The following CCDC141 variants were observed in gnomAD, a reference collection of about 807,000 sequenced individuals.
CCDC141 encodes coiled-coil domain containing 141, also known as coiled-coil domain-containing protein 141.
In CCDC141, 168 loss-of-function variants were observed where a neutral mutation model predicts 181.0. The observed-to-expected ratio is 0.93, with a 90% CI of 0.82 to 1.05. The LOEUF (loss-of-function observed/expected upper bound fraction) is 1.05, where lower values mean the gene tolerates loss of function less well. Among genes scored for constraint, CCDC141 ranks in the 50% least tolerant of loss-of-function variants. The pLI is 0.00. For synonymous variants in CCDC141, 666 were observed against 642.3 expected, an observed-to-expected ratio of 1.04 and a Z score of -0.56; for missense variants, 1,902 against 1,788.5, an observed-to-expected ratio of 1.06 and a Z score of -1.14.
chr2:178,826,064 A>G (rs1370346740), downstream of CCDC141, among the ~76,000 whole-genome samples: 1 of 152,214 alleles, frequency 6.6e-6, no homozygotes, highest in African/African-American at 2.4e-5. Context: ...ACAGGTTTTT[A>G]TAAATGTTCT....
chr2:178,957,050 A>G (rs1575265601), intron 5 of CCDC141, among the ~76,000 whole-genome samples: 1 of 152,112 alleles, frequency 6.6e-6, no homozygotes, highest in Middle Eastern at 3.4e-3. Context: ...CTAATTTTGT[A>G]TTTTTAGTAG....
chr2:178,980,942 T>C (rs1691355551), intron 2 of CCDC141, among the ~76,000 whole-genome samples: 1 of 152,154 alleles, frequency 6.6e-6, no homozygotes, highest in Non-Finnish European at 1.5e-5. Flanking sequence ...TGAAGAAAGC[T>C]GAGTAGCTAT....
chr2:178,853,581 A>G lies in CCDC141; in HGVS notation c.3104T>C (p.Val1035Ala), dbSNP rs952664164. Residue 1035 changes from valine to alanine, a missense_variant, in exon 20 of 24, where the codon GTT becomes GCT. Val to Ala is a moderately conservative substitution (Grantham distance 64). Coordinates refer to ENST00000443758, the MANE Select transcript of CCDC141 (RefSeq NM_173648.4). ...YEDASATVVR[V>A]GKYSTECKTK... is the part of the protein sequence containing the mutation. ...CTTGCACTCTGTGGAATATTTTCCA[A>G]CTCTTACAACTGTGGCACTTGCATC... 1.9e-6 allele frequency: 3 copies of G among 1,613,806 alleles called. No individual in the cohort carries two copies. The highest frequency in any genetic ancestry group is 2.7e-5 in the African/African-American group (2 of 74,908).
chr2:178,920,590 G>A (rs919198922), intron 6 of CCDC141, among the ~76,000 whole-genome samples: 2 of 152,006 alleles, frequency 1.3e-5, no homozygotes, highest in African/African-American at 2.4e-5. Flanking sequence ...GGGCATAGTG[G>A]CGCATGCTTG....
intron 12 of CCDC141, 105 bp downstream of exon 12, chr2:178,877,859 T>C: frequency 1.8e-6 from 2 of 1,091,286 alleles, no homozygotes; most frequent in Non-Finnish European, 1.4e-6. Flanking sequence ...GAGAACTCCC[T>C]AGGAGAGAAC....
intron 6 of CCDC141, 97 bp downstream of exon 6, chr2:178,944,438 C>A: frequency 2.1e-6 from 1 of 480,922 alleles, no homozygotes; most frequent in Non-Finnish European, 3.5e-6. Flanking sequence ...TAATCAAAGA[C>A]AGTTCTCAGT....
intron 2 of CCDC141, among the ~76,000 whole-genome samples, chr2:179,016,134 G>GAGATA (rs1161916441): frequency 2.7e-5 from 4 of 150,256 alleles, no homozygotes; most frequent in African/African-American, 4.9e-5. Flanking sequence ...TGATACATGG[G>GAGATA]AGCTAAGCTA....
chr2:178,987,472 A>T (rs1171324376), intron 2 of CCDC141, among the ~76,000 whole-genome samples: 1 of 152,190 alleles, frequency 6.6e-6, no homozygotes, highest in South Asian at 2.1e-4. Flanking sequence ...ACAAATGGGA[A>T]CTCATTAAAC....
intron 7 of CCDC141, among the ~76,000 whole-genome samples, chr2:178,913,251 AAG>A (rs1250909758): frequency 6.6e-6 from 1 of 152,234 alleles, no homozygotes. Flanking sequence ...TGTTCTGAAA[AAG>A]AGGAATTTAA....
intron 20 of CCDC141, among the ~76,000 whole-genome samples, chr2:178,853,093 T>C (rs1213498468): frequency 6.6e-6 from 1 of 152,238 alleles, no homozygotes. Context: ...AAGGAATCAC[T>C]CTAGTGGAAA....
intron 4 of CCDC141, among the ~76,000 whole-genome samples, chr2:178,974,454 C>T (rs1210063900): frequency 6.6e-6 from 1 of 152,172 alleles, no homozygotes; most frequent in Non-Finnish European, 1.5e-5. Flanking sequence ...ACTCCTGGCC[C>T]ACACCAAATT....
Position 178,887,553 on chromosome 2 carries a change from G to A in CCDC141, c.1408-682C>T, listed in dbSNP as rs183478663. 2.1e-3 allele frequency among the ~76,000 whole-genome samples: 325 copies of A among 152,260 alleles called. 1 individual carries two copies. Among genetic ancestry groups the A allele is most frequent in the Middle Eastern group, 6.8e-3 (2 of 294 alleles). On this transcript the variant is annotated intron_variant, in intron 9 of 23. Transcript: ENST00000443758. Reference sequence around the variant, plus strand: ...CAATAGGACAAGCAGCAACAGCTGAGGTCCTACTGTTCCACTGCCACCAAA... The same window carrying A: ...CAATAGGACAAGCAGCAACAGCTGAAGTCCTACTGTTCCACTGCCACCAAA...
intron 2 of CCDC141, among the ~76,000 whole-genome samples, chr2:178,993,137 C>T (rs1380522280): frequency 2.0e-5 from 3 of 152,168 alleles, no homozygotes; most frequent in Non-Finnish European, 2.9e-5. Context: ...ACTGCAGTTA[C>T]CATGCAGCCA....
chr2:178,884,072 A>C (rs777396475), intron 11 of CCDC141, among the ~76,000 whole-genome samples: 6 of 152,158 alleles, frequency 3.9e-5, no homozygotes, highest in African/African-American at 9.7e-5. Flanking sequence ...ATTTTGTTGT[A>C]TGTTTAGGAT....
chr2:178,878,478 ATTTTT>A (rs766496516), intron 11 of CCDC141, among the ~76,000 whole-genome samples: 3 of 114,626 alleles, frequency 2.6e-5, no homozygotes, highest in African/African-American at 7.0e-5. Context: ...GGCCTGGCTA[ATTTTT>A]TTTTTTTTTT....
chr2:178,933,237 TATTA>T (rs1689164588), intron 6 of CCDC141, among the ~76,000 whole-genome samples: 1 of 152,190 alleles, frequency 6.6e-6, no homozygotes, highest in Non-Finnish European at 1.5e-5. Flanking sequence ...TAAAAATTAT[TATTA>T]ATCAAGAACT....
chr2:178,833,048 C>T lies in CCDC141; in HGVS notation c.*1125G>A, dbSNP rs1561615244. ...TATCCTCCTGAGTTTAATTTCAAGT[C>T]TTTGAAAAGAATGCAGTCTTCAGAA... is the stretch of plus-strand genomic sequence containing the variant. On this transcript the variant is annotated 3_prime_UTR_variant, in exon 24 of 24. Transcript: ENST00000443758. 1 of 152,098 alleles carries T rather than the reference C, an allele frequency of 6.6e-6. No homozygotes were observed. Among genetic ancestry groups the T allele is most frequent in the East Asian group, 1.9e-4 (1 of 5,182 alleles). The allele number at this position is 152,098 out of a possible 1,614,324, so 9.4% of individuals were successfully genotyped here.
chr2:178,928,327 G>C (rs973278392), intron 6 of CCDC141, among the ~76,000 whole-genome samples: 1 of 152,198 alleles, frequency 6.6e-6, no homozygotes, highest in African/African-American at 2.4e-5. Flanking sequence ...CAAGGACAGC[G>C]AAGGCTAGGG....
At chr2:178,828,830 GA>G (rs1684166122), downstream of CCDC141, among the ~76,000 whole-genome samples, 1 of 152,080 alleles carries the variant, frequency 6.6e-6, no homozygotes, top group Non-Finnish European at 1.5e-5. Flanking sequence ...ATATTTCACT[GA>G]TTTTTTTATA....
Sources: gnomAD v4.1 joint callset for allele counts (sites outside exome capture counted in the v4.1 genomes callset) on GRCh38, gnomAD v4.1.1 for gene constraint, MANE v1.5 for transcripts, NCBI Gene and HGNC (gene_info 2026-07-23, HGNC 2026-07-21) for gene names.